Variants in KALRN observed in about 807,000 individuals in gnomAD.
KALRN encodes kalirin.
A neutral mutation model predicts 353.7 loss-of-function variants in KALRN; 70 were observed. That is an observed-to-expected ratio of 0.20 (90% CI 0.16 to 0.24). KALRN has a LOEUF of 0.24. Ranked by LOEUF, KALRN falls within the 10% of genes least tolerant of loss-of-function variation. KALRN has a pLI of 1.00. For synonymous variants in KALRN, 1,391 were observed against 1,434.8 expected (o/e 0.97, Z 0.69); for missense variants, 2,791 against 3,756.7 (o/e 0.74, Z 6.72).
chr3:124,623,286 G>A (rs748366305), intron 34 of KALRN, among the ~76,000 whole-genome samples: 1 of 151,272 alleles, frequency 6.6e-6, no homozygotes, highest in African/African-American at 2.4e-5. Context: ...GGTGTGAGCC[G>A]GTGCGCCTGG....
At chr3:124,457,315 C>T (rs2059417099) in intron 23 of KALRN, among the ~76,000 whole-genome samples, 1 of 149,672 alleles carries the variant, frequency 6.7e-6, no homozygotes, top group Non-Finnish European at 1.5e-5. Flanking sequence ...AGTGATCTGC[C>T]CGCCTCAGCC....
intron 11 of KALRN, 31 bp from the exon 12 acceptor site, chr3:124,395,104 C>A (rs1192626880): frequency 6.3e-7 from 1 of 1,584,888 alleles, no homozygotes; most frequent in East Asian, 2.3e-5. Flanking sequence ...TCCCATCTTC[C>A]CTGAGTGGAA....
At chr3:124,315,641 C>A (rs932053530) in intron 6 of KALRN, among the ~76,000 whole-genome samples, 1 of 151,642 alleles carries the variant, frequency 6.6e-6, no homozygotes, top group African/African-American at 2.4e-5. Flanking sequence ...GGTGTTTGCC[C>A]CCGAGACCTG....
intron 48 of KALRN, among the ~76,000 whole-genome samples, chr3:124,673,163 T>C (rs2086674642): frequency 6.6e-6 from 1 of 151,994 alleles, no homozygotes; most frequent in Non-Finnish European, 1.5e-5. Context: ...GGCAGGGTGA[T>C]GGCTTGGGCT....
chr3:124,152,250 C>T, intron 1 of KALRN: 1 of 1,553,366 alleles, frequency 6.4e-7, no homozygotes, highest in Middle Eastern at 2.1e-4. Flanking sequence ...CATTTACTGA[C>T]TTCAGATTTG....
intron 34 of KALRN, among the ~76,000 whole-genome samples, chr3:124,611,189 A>G (rs2077919478): frequency 6.6e-6 from 1 of 152,236 alleles, no homozygotes; most frequent in African/African-American, 2.4e-5. Flanking sequence ...AATGACCTGA[A>G]GCAAGAGAGA....
At chr3:124,416,930 G>A (rs902656340) in intron 14 of KALRN, among the ~76,000 whole-genome samples, 1 of 152,214 alleles carries the variant, frequency 6.6e-6, no homozygotes, top group Non-Finnish European at 1.5e-5. Context: ...TTTTACAGTA[G>A]CAAATGGAAC....
rs188203791 is a variant in KALRN at position 124,152,634 on chromosome 3, C to T, written c.74-75356C>T. 511 of 588,774 alleles carry T rather than the reference C, an allele frequency of 8.7e-4. 1 individual carries two copies. The highest frequency in any genetic ancestry group is 8.4e-3 in the African/African-American group (396 of 47,360). The allele number at this position is 588,774 out of a possible 1,614,324, so 36.5% of individuals were successfully genotyped here. On this transcript the variant is annotated intron_variant, in intron 1 of 59. Coordinates refer to ENST00000682506, the MANE Select transcript of KALRN (RefSeq NM_001388419.1). The stretch of plus-strand genomic sequence containing the variant: ...TTTGAGACAGAGCCTCTCTCTGTTG[C>T]CCAGGCTGGAGTGCAGTGGTGCAAT...
At chr3:124,587,251 T>G (rs189650114) in intron 34 of KALRN, among the ~76,000 whole-genome samples, 1 of 152,268 alleles carries the variant, frequency 6.6e-6, no homozygotes, top group East Asian at 1.9e-4. Flanking sequence ...GGTTGTTTGG[T>G]CTCTATCCCT....
chr3:124,503,563 A>T (rs993542105), intron 33 of KALRN, among the ~76,000 whole-genome samples: 1 of 151,936 alleles, frequency 6.6e-6, no homozygotes, highest in Non-Finnish European at 1.5e-5. Flanking sequence ...AGGTGGCTGG[A>T]GGAGGAGGAG....
chr3:124,223,476 G>A (rs2078141793), intron 1 of KALRN, among the ~76,000 whole-genome samples: 1 of 152,104 alleles, frequency 6.6e-6, no homozygotes, highest in South Asian at 2.1e-4. Context: ...CAGGGCTCAG[G>A]CCCACTTGAA....
At chr3:124,362,141 A>T in intron 10 of KALRN, among the ~76,000 whole-genome samples, 1 of 152,176 alleles carries the variant, frequency 6.6e-6, no homozygotes, top group Non-Finnish European at 1.5e-5. Context: ...TGAGGAAAGG[A>T]ACCAGCATCA....
chr3:124,403,805 C>T (rs2091171289), intron 13 of KALRN, among the ~76,000 whole-genome samples: 1 of 152,146 alleles, frequency 6.6e-6, no homozygotes, highest in Non-Finnish European at 1.5e-5. Context: ...CTATGTTGGA[C>T]ATTGAGGACA....
chr3:124,111,330 T>C (rs1292838084), intron 1 of KALRN, among the ~76,000 whole-genome samples: 1 of 152,192 alleles, frequency 6.6e-6, no homozygotes, highest in Non-Finnish European at 1.5e-5. Flanking sequence ...TTCCCAGATG[T>C]CCTCCAGGAG....
At chr3:124,236,085 A>G (rs2079715656) in intron 3 of KALRN, among the ~76,000 whole-genome samples, 2 of 152,022 alleles carry the variant, frequency 1.3e-5, no homozygotes, top group African/African-American at 2.4e-5. Flanking sequence ...GTTGAATGGA[A>G]TTGTGAGCCC....
At chr3:124,438,748 T>C in intron 17 of KALRN, 140 bp from the exon 18 acceptor site, 1 of 639,424 alleles carries the variant, frequency 1.6e-6, no homozygotes, top group Admixed American at 3.2e-5. Context: ...CACTGCCTCC[T>C]GGATTTCTCT....
chr3:124,255,763 A>G (rs150096944), intron 3 of KALRN, among the ~76,000 whole-genome samples: 4 of 152,314 alleles, frequency 2.6e-5, no homozygotes, highest in Non-Finnish European at 5.9e-5. Context: ...TGTATCTGTA[A>G]GAGAAGACTT....
chr3:124,592,870 G>A (rs2149375668), intron 34 of KALRN, among the ~76,000 whole-genome samples: 1 of 152,356 alleles, frequency 6.6e-6, no homozygotes, highest in South Asian at 2.1e-4. Context: ...CTTTTGCCAA[G>A]TGAAAGAGCA....
At chr3:124,094,383 GC>G (rs1305928921) in intron 1 of KALRN, among the ~76,000 whole-genome samples, 9 of 152,234 alleles carry the variant, frequency 5.9e-5, no homozygotes, top group Non-Finnish European at 1.3e-4. Context: ...GTCCAAAATG[GC>G]CGAGCTTCTG....
Sources: gnomAD v4.1 joint callset for allele counts (sites outside exome capture counted in the v4.1 genomes callset) on GRCh38, gnomAD v4.1.1 for gene constraint, MANE v1.5 for transcripts, NCBI Gene and HGNC (gene_info 2026-07-23, HGNC 2026-07-21) for gene names.